Variants in ATP11A observed in about 807,000 individuals in gnomAD.
ATP11A encodes ATPase phospholipid transporting 11A.
Under a neutral mutation model 154.4 loss-of-function variants are expected in ATP11A, and 81 were observed. The ratio of observed to expected loss-of-function variants is 0.52; its 90% CI spans 0.44 to 0.63. The LOEUF (loss-of-function observed/expected upper bound fraction) is 0.63. ATP11A is among the 30% of genes least tolerant of loss of function. The pLI, the probability that ATP11A is intolerant of heterozygous loss-of-function variation, is 0.00. For missense variants in ATP11A, 1,316 were observed against 1,474.3 expected (o/e 0.89, Z 1.76); for synonymous variants, 623 against 585.9 (o/e 1.06, Z -0.91).
In ATP11A at chr13:112,823,368, T is replaced by G. The variant is rs1052960752; in HGVS notation, c.749T>G (p.Leu250Arg). The G allele has an allele frequency of 2.5e-6, 4 of 1,613,938 alleles. No individual in the cohort carries two copies. The highest frequency in any genetic ancestry group is 3.4e-6 in the Non-Finnish European group (4 of 1,179,850). ...AGGCCCTTAGGATCGGAAAACCTGC[T>G]GCTTAGAGGAGCTACACTGAAGAAC... ...VVRPLGSENL[L>R]LRGATLKNTE... is the part of the protein sequence containing the mutation. Residue 250 changes from leucine to arginine, a missense_variant, in exon 9 of 30, where the codon CTG becomes CGG. By Grantham distance (102) the Leu-to-Arg change is moderately radical (BLOSUM62 -2). Around this residue, in one of 5 missense-constraint regions of ATP11A, gnomAD observed 876 missense variants for 1,006.8 expected, o/e 0.87. Coordinates refer to ENST00000375645, the MANE Select transcript of ATP11A (RefSeq NM_015205.3).
intron 1 of ATP11A, among the ~76,000 whole-genome samples, chr13:112,766,480 C>T (rs11619158): frequency 0.28 from 43,137 of 152,128 alleles, 7,140 homozygotes; most frequent in Middle Eastern, 0.45. Context: ...ACTGTCCTCC[C>T]TGCAGAGCTG....
At chr13:112,707,415 CAAA>C (rs35020608) in intron 1 of ATP11A, among the ~76,000 whole-genome samples, 34 of 80,698 alleles carry the variant, frequency 4.2e-4, no homozygotes, top group Non-Finnish European at 5.9e-4. Context: ...AATTCTGTCT[CAAA>C]AAAAAAAAAA....
intron 1 of ATP11A, among the ~76,000 whole-genome samples, chr13:112,770,122 G>A (rs1424005807): frequency 6.6e-6 from 1 of 152,202 alleles, no homozygotes; most frequent in Non-Finnish European, 1.5e-5. Context: ...GAAGCTCTGT[G>A]TTTCTTCCCA....
intron 1 of ATP11A, among the ~76,000 whole-genome samples, chr13:112,719,325 C>T (rs1383942444): frequency 6.6e-6 from 1 of 152,218 alleles, no homozygotes; most frequent in Non-Finnish European, 1.5e-5. Flanking sequence ...CAATGCCTTG[C>T]ATGCCTTTGT....
intron 1 of ATP11A, among the ~76,000 whole-genome samples, chr13:112,704,196 G>A (rs766774693): frequency 1.3e-5 from 2 of 152,142 alleles, no homozygotes; most frequent in Non-Finnish European, 2.9e-5. Flanking sequence ...GCCAGCTGTC[G>A]TCCACCTTTC....
chr13:112,868,912 GGAGA>G (rs200620542), intron 25 of ATP11A, among the ~76,000 whole-genome samples: 1 of 152,020 alleles, frequency 6.6e-6, no homozygotes, highest in Non-Finnish European at 1.5e-5. Flanking sequence ...CAAGGCTGCA[GGAGA>G]GAGAGAGCAA....
At chr13:112,840,565 C>G (rs1027956729) in intron 16 of ATP11A, among the ~76,000 whole-genome samples, 1 of 150,066 alleles carries the variant, frequency 6.7e-6, no homozygotes, top group Non-Finnish European at 1.5e-5. Flanking sequence ...CCTCCAGCCT[C>G]AGCCTCCGTC....
intron 7 of ATP11A, 102 bp from the exon 8 acceptor site, chr13:112,819,798 C>T: frequency 8.1e-7 from 1 of 1,237,118 alleles, no homozygotes. Context: ...CGGAGCGGGC[C>T]AGGTGAAGAC....
In ATP11A at chr13:112,820,242, G is replaced by A. The variant is rs1388174291; in HGVS notation, c.725+292G>A. Among the ~76,000 whole-genome samples the A allele has an allele frequency of 2.0e-5, 3 of 152,226 alleles. 1 individual carries two copies. Among genetic ancestry groups the A allele is most frequent in the Non-Finnish European group, 4.4e-5 (3 of 68,044 alleles). On this transcript the variant is annotated intron_variant, in intron 8 of 29. Transcript: ENST00000375645. ...GGGTCCCGTGGAGCAGTTTCAAAGT[G>A]AAGGGCGGAGTACAGCTTCCCTGGG...
At chr13:112,843,271 G>GCGA in intron 17 of ATP11A, among the ~76,000 whole-genome samples, 1 of 151,486 alleles carries the variant, frequency 6.6e-6, no homozygotes, top group East Asian at 2.0e-4. Flanking sequence ...CTAAAGCTGG[G>GCGA]TGACGCATGG....
chr13:112,761,905 G>A (rs2139879916), intron 1 of ATP11A, among the ~76,000 whole-genome samples: 1 of 152,304 alleles, frequency 6.6e-6, no homozygotes, highest in Middle Eastern at 3.4e-3. Flanking sequence ...CAGCAGGGGT[G>A]GGGCCTCCCC....
At chr13:112,880,144 C>T (rs779315174) in intron 29 of ATP11A, among the ~76,000 whole-genome samples, 1 of 152,216 alleles carries the variant, frequency 6.6e-6, no homozygotes, top group African/African-American at 2.4e-5. Context: ...CAGGAAAGTC[C>T]GTCGCAGGGC....
chr13:112,808,268 T>C (rs1449119543), intron 4 of ATP11A, among the ~76,000 whole-genome samples: 2 of 151,904 alleles, frequency 1.3e-5, no homozygotes, highest in Non-Finnish European at 1.5e-5. Context: ...CCCAGGGCAG[T>C]GGGCGGGCGT....
intron 4 of ATP11A, among the ~76,000 whole-genome samples, chr13:112,809,479 A>G (rs1219013340): frequency 6.6e-6 from 1 of 152,126 alleles, no homozygotes; most frequent in Non-Finnish European, 1.5e-5. Context: ...CCTGCCCCAC[A>G]GGCTCTTGCA....
At chr13:112,841,688 T>C (rs2013434) in intron 16 of ATP11A, among the ~76,000 whole-genome samples, 37,571 of 152,280 alleles carry the variant, frequency 0.25, 4,996 homozygotes, top group East Asian at 0.38. Flanking sequence ...ACAGCAGAAC[T>C]GTCGTGGCCT....
At chr13:112,821,952 C>T (rs377154169) in intron 8 of ATP11A, among the ~76,000 whole-genome samples, 4 of 152,094 alleles carry the variant, frequency 2.6e-5, no homozygotes, top group East Asian at 1.9e-4. Flanking sequence ...TAGTGATTGC[C>T]GGGGAGGACG....
intron 25 of ATP11A, among the ~76,000 whole-genome samples, chr13:112,871,120 G>A (rs998376590): frequency 2.6e-5 from 4 of 152,188 alleles, no homozygotes; most frequent in Admixed American, 6.5e-5. Context: ...GAAGCCCCCA[G>A]GCTTCCCCCT....
chr13:112,712,335 A>G (rs1045672981), intron 1 of ATP11A, among the ~76,000 whole-genome samples: 1 of 152,086 alleles, frequency 6.6e-6, no homozygotes, highest in Non-Finnish European at 1.5e-5. Context: ...GGGCTAAGGG[A>G]GTCAGGGCTG....
Position 112,838,722 on chromosome 13 carries a change from G to A in ATP11A, c.1705+2471G>A, listed in dbSNP as rs576324641. 6.6e-6 allele frequency among the ~76,000 whole-genome samples: 1 copy of A among 152,328 alleles called. No individual in the cohort carries two copies. The highest frequency in any genetic ancestry group is 2.4e-5 in the African/African-American group (1 of 41,592). Reference sequence around the variant, plus strand: ...AGAATATCCCTATCCGCACTGGGACGCCTGTGGACCTCCTAGGGCCTCTCC... The same window carrying A: ...AGAATATCCCTATCCGCACTGGGACACCTGTGGACCTCCTAGGGCCTCTCC... On this transcript the variant is annotated intron_variant, in intron 16 of 29. Coordinates refer to ENST00000375645, the MANE Select transcript of ATP11A (RefSeq NM_015205.3). This position sits in a 1 kb window ranked among gnomAD's most constrained non-coding sequence, Gnocchi z 7.3.
Sources: allele counts gnomAD v4.1 joint callset (sites outside exome capture counted in the v4.1 genomes callset), GRCh38; gene constraint gnomAD v4.1.1; regional missense constraint gnomAD v4.1.1; non-coding constraint Gnocchi (gnomAD v3.1); transcripts MANE v1.5; gene names NCBI Gene and HGNC (gene_info 2026-07-23, HGNC 2026-07-21).